ANKFN1: variants seen among roughly 807,000 people sequenced by gnomAD.
ANKFN1 encodes ankyrin repeat and fibronectin type-III domain-containing protein 1.
In ANKFN1, 74 loss-of-function variants were observed where a neutral mutation model predicts 108.7. The observed-to-expected ratio is 0.68, with a 90% confidence interval of 0.56 to 0.83. ANKFN1 has a LOEUF of 0.83. Among genes scored for constraint, ANKFN1 ranks in the 40% least tolerant of loss-of-function variants. The probability of loss-of-function intolerance (pLI) is 0.00; values close to 1 mark genes in which losing one functional copy is unlikely to be tolerated. For missense variants in ANKFN1, 1,505 were observed against 1,382.3 expected (o/e 1.09, Z -1.41); for synonymous variants, 547 against 516.2 (o/e 1.06, Z -0.81).
intron 6 of ANKFN1, among the ~76,000 whole-genome samples, chr17:56,365,214 A>G (rs2046627425): frequency 6.6e-6 from 1 of 152,198 alleles, no homozygotes; most frequent in Non-Finnish European, 1.5e-5. Flanking sequence ...CTGCCTTGAA[A>G]TAGCAGATGG....
intron 3 of ANKFN1, among the ~76,000 whole-genome samples, chr17:56,292,018 T>C (rs1389390726): frequency 6.6e-6 from 1 of 152,196 alleles, no homozygotes; most frequent in East Asian, 1.9e-4. Flanking sequence ...CTGCTGCCAG[T>C]ATTTTGTTCT....
Position 56,437,169 on chromosome 17 carries a change from A to G in ANKFN1, c.911-3158A>G, listed in dbSNP as rs181634932. 2.6e-3 allele frequency among the ~76,000 whole-genome samples: 390 copies of G among 152,302 alleles called. 1 individual carries two copies. Among genetic ancestry groups the G allele is most frequent in the South Asian group, 5.8e-3 (28 of 4,832 alleles). ...CTATTAATTCCCAAAACAGAACCACATCTTCTTACAACCGGCTTCTGTTTA... is the reference window on the plus strand; with the variant it reads ...CTATTAATTCCCAAAACAGAACCACGTCTTCTTACAACCGGCTTCTGTTTA... On this transcript the variant is annotated intron_variant, in intron 8 of 20. Coordinates refer to ENST00000682825, the MANE Select transcript of ANKFN1 (RefSeq NM_001370326.1).
chr17:56,359,056 T>C (rs1438100625), intron 6 of ANKFN1, among the ~76,000 whole-genome samples: 4 of 152,222 alleles, frequency 2.6e-5, no homozygotes, highest in Non-Finnish European at 5.9e-5. Context: ...TGTACAAATC[T>C]GGTCACTCAC....
chr17:56,387,366 T>G (rs2047305616), intron 8 of ANKFN1, among the ~76,000 whole-genome samples: 1 of 152,230 alleles, frequency 6.6e-6, no homozygotes, highest in African/African-American at 2.4e-5. Context: ...CTATCACTTA[T>G]TTGTAAACAA....
intron 1 of ANKFN1, among the ~76,000 whole-genome samples, chr17:56,212,106 TTG>T (rs1402147786): frequency 1.3e-5 from 2 of 152,142 alleles, no homozygotes; most frequent in East Asian, 3.9e-4. Context: ...GTGGGCATCC[TTG>T]TCTTGTTCCA....
intron 3 of ANKFN1, among the ~76,000 whole-genome samples, chr17:56,246,695 T>C (rs1033134678): frequency 6.6e-6 from 1 of 151,948 alleles, no homozygotes; most frequent in Admixed American, 6.6e-5. Context: ...TTGTTACAAT[T>C]CCATAAAAAA....
At chr17:56,391,529 G>A (rs1031362727) in intron 8 of ANKFN1, among the ~76,000 whole-genome samples, 1 of 151,518 alleles carries the variant, frequency 6.6e-6, no homozygotes, top group Non-Finnish European at 1.5e-5. Flanking sequence ...CCAGGTTTAA[G>A]CAATTCTCTG....
rs2050555115 is a variant in ANKFN1 at position 56,477,739 on chromosome 17, G to C, written c.1940+85G>C. On this transcript the variant is annotated intron_variant, in intron 16 of 20. Transcript: ENST00000682825. ...TGATGTGCCAGAAGGAAACTGAAGT[G>C]TTACTTCCAGGGCAGTTTTTATGGT... The C allele has an allele frequency of 2.0e-6, 3 of 1,467,680 alleles. No individual in the cohort carries two copies. The East Asian group carries it at 6.9e-5, about 34-fold the overall frequency. 90.9% of individuals were successfully genotyped at this position (1,467,680 alleles called of 1,614,324 possible).
rs191345054 is a variant in ANKFN1, at chr17:56,374,260, G to A, written c.797-341G>A. Among the ~76,000 whole-genome samples, 14 of 152,250 alleles carry A rather than the reference G, an allele frequency of 9.2e-5. No individual in the cohort carries two copies. The South Asian group carries it at 1.2e-3, about 14-fold the overall frequency. ...AGTGAAACGATGTACTTTATAAAACGTAAGGGTGTCCACTGACAATATAGG... is the reference window on the plus strand; with the variant it reads ...AGTGAAACGATGTACTTTATAAAACATAAGGGTGTCCACTGACAATATAGG... On this transcript the variant is annotated intron_variant, in intron 7 of 20. Coordinates refer to ENST00000682825, the MANE Select transcript of ANKFN1 (RefSeq NM_001370326.1).
chr17:56,167,334 T>G (rs973977524), intron 1 of ANKFN1, among the ~76,000 whole-genome samples: 2 of 146,680 alleles, frequency 1.4e-5, no homozygotes, highest in African/African-American at 5.0e-5. Flanking sequence ...TATATATATA[T>G]ATATATATGT....
At chr17:56,157,921 AC>A (rs1909265870) in intron 1 of ANKFN1, among the ~76,000 whole-genome samples, 1 of 152,228 alleles carries the variant, frequency 6.6e-6, no homozygotes, top group African/African-American at 2.4e-5. Flanking sequence ...ACTGGGTTAC[AC>A]AGTTCTTCAA....
chr17:56,413,565 A>G (rs1307106895), intron 8 of ANKFN1, among the ~76,000 whole-genome samples: 1 of 152,170 alleles, frequency 6.6e-6, no homozygotes, highest in Non-Finnish European at 1.5e-5. Flanking sequence ...TGGGTTTGTC[A>G]TATTCAGCTC....
intron 3 of ANKFN1, among the ~76,000 whole-genome samples, chr17:56,268,168 C>A (rs1404816003): frequency 6.6e-6 from 1 of 152,102 alleles, no homozygotes; most frequent in Non-Finnish European, 1.5e-5. Flanking sequence ...TAAAACTCAC[C>A]ACACGCTTGG....
intron 15 of ANKFN1, among the ~76,000 whole-genome samples, 199 bp from the exon 16 acceptor site, chr17:56,477,289 G>A (rs552040019): frequency 6.6e-6 from 1 of 152,144 alleles, no homozygotes; most frequent in African/African-American, 2.4e-5. Context: ...TGATTACCTG[G>A]CCAAGAATTC....
chr17:56,117,676 G>A (rs555680775), intron 4 of ANKFN1, among the ~76,000 whole-genome samples: 1 of 152,224 alleles, frequency 6.6e-6, no homozygotes, highest in African/African-American at 2.4e-5. Flanking sequence ...AGTATCCTAG[G>A]AGGGCAATTT....
chr17:56,167,316 CACATAT>C (rs1289701513), intron 1 of ANKFN1, among the ~76,000 whole-genome samples: 197 of 75,736 alleles, frequency 2.6e-3, no homozygotes, highest in African/African-American at 0.01. Flanking sequence ...CACACACACA[CACATAT>C]ATATATATAT....
intron 4 of ANKFN1, among the ~76,000 whole-genome samples, chr17:56,073,066 C>T (rs1156940318): frequency 6.6e-6 from 1 of 151,356 alleles, no homozygotes; most frequent in Admixed American, 6.6e-5. Context: ...GATCTCGGCT[C>T]ACTGCAAGCT....
chr17:56,379,813 T>C (rs577930360), intron 8 of ANKFN1, among the ~76,000 whole-genome samples: 1 of 152,358 alleles, frequency 6.6e-6, no homozygotes, highest in East Asian at 1.9e-4. Flanking sequence ...TTTTCTATTA[T>C]GGTTAACTAG....
At chr17:56,061,231 A>G (rs1252291661) in intron 4 of ANKFN1, among the ~76,000 whole-genome samples, 14 of 141,240 alleles carry the variant, frequency 9.9e-5, no homozygotes, top group Non-Finnish European at 1.5e-4. Context: ...AGAGGTATGT[A>G]TAGCATTCTC....
Sources: allele counts gnomAD v4.1 joint callset (sites outside exome capture counted in the v4.1 genomes callset), GRCh38; gene constraint gnomAD v4.1.1; transcripts MANE v1.5; gene names NCBI Gene and HGNC (gene_info 2026-07-23, HGNC 2026-07-21).